DLG2: variants seen among roughly 807,000 people sequenced by gnomAD.
DLG2 encodes discs large MAGUK scaffold protein 2.
In DLG2, 45 loss-of-function variants were observed where a neutral mutation model predicts 132.5. That is an observed-to-expected ratio of 0.34 (90% CI 0.27 to 0.44). DLG2 has a LOEUF of 0.44. DLG2 is among the 20% of genes least tolerant of loss of function. The pLI is 1.00. For missense variants in DLG2, 1,045 were observed against 1,196.9 expected, an observed-to-expected ratio of 0.87 and a Z score of 1.87; for synonymous variants, 424 against 419.6, an observed-to-expected ratio of 1.01 and a Z score of -0.13.
intron 7 of DLG2, among the ~76,000 whole-genome samples, chr11:84,363,894 G>A (rs1476475013): frequency 2.0e-5 from 3 of 152,108 alleles, no homozygotes; most frequent in African/African-American, 7.2e-5. Context: ...CCAGTACCAT[G>A]CTGTTTTGGT....
intron 4 of DLG2, among the ~76,000 whole-genome samples, chr11:85,251,634 A>G (rs1024111136): frequency 3.3e-5 from 5 of 152,180 alleles, no homozygotes; most frequent in African/African-American, 1.2e-4. Context: ...ATTTTGATCC[A>G]CTATGCCAGA....
intron 17 of DLG2, among the ~76,000 whole-genome samples, chr11:83,821,953 T>C (rs2050936621): frequency 6.6e-6 from 1 of 152,096 alleles, no homozygotes; most frequent in Non-Finnish European, 1.5e-5. Context: ...CTCCTTGTCA[T>C]TAAAAGAGGG....
At chr11:83,882,120 A>G (rs2066441542) in intron 15 of DLG2, among the ~76,000 whole-genome samples, 1 of 152,202 alleles carries the variant, frequency 6.6e-6, no homozygotes, top group South Asian at 2.1e-4. Flanking sequence ...CAGAAAAAAA[A>G]TGGGTCCCAG....
chr11:83,864,213 C>T (rs2061911163), intron 16 of DLG2, among the ~76,000 whole-genome samples: 1 of 152,192 alleles, frequency 6.6e-6, no homozygotes, highest in African/African-American at 2.4e-5. Context: ...CCGAACAGTG[C>T]TAGTAGCTTC....
At chr11:84,366,283 A>G (rs1436056018) in intron 7 of DLG2, among the ~76,000 whole-genome samples, 1 of 152,114 alleles carries the variant, frequency 6.6e-6, no homozygotes, top group Non-Finnish European at 1.5e-5. Context: ...TGTCACCACC[A>G]GGCCTGCCCT....
intron 22 of DLG2, among the ~76,000 whole-genome samples, chr11:83,477,327 A>T (rs2092697035): frequency 6.6e-6 from 1 of 152,174 alleles, no homozygotes; most frequent in East Asian, 1.9e-4. Context: ...GCCTATAATT[A>T]AGATAGTTTT....
intron 7 of DLG2, among the ~76,000 whole-genome samples, chr11:84,381,934 T>C (rs1407364147): frequency 3.3e-5 from 5 of 152,174 alleles, no homozygotes; most frequent in African/African-American, 1.2e-4. Flanking sequence ...TTCCTTCAGC[T>C]TCTGGAGCAT....
intron 3 of DLG2, among the ~76,000 whole-genome samples, chr11:85,400,854 G>C (rs908395554): frequency 2.6e-5 from 4 of 151,014 alleles, no homozygotes; most frequent in Non-Finnish European, 5.9e-5. Flanking sequence ...AATGAGTGCA[G>C]CACACCAGCA....
At chr11:83,550,552 C>T (rs1452786790) in intron 19 of DLG2, among the ~76,000 whole-genome samples, 2 of 152,136 alleles carry the variant, frequency 1.3e-5, no homozygotes, top group Non-Finnish European at 2.9e-5. Flanking sequence ...TCTGAACCTG[C>T]GCAGAGCCAG....
chr11:84,981,467 G>C (rs1398304421), intron 6 of DLG2, among the ~76,000 whole-genome samples: 1 of 152,080 alleles, frequency 6.6e-6, no homozygotes, highest in Non-Finnish European at 1.5e-5. Flanking sequence ...GACAGCTGCT[G>C]CACCAAACCC....
intron 6 of DLG2, among the ~76,000 whole-genome samples, chr11:84,900,445 A>G (rs2090745628): frequency 6.6e-6 from 1 of 152,032 alleles, no homozygotes; most frequent in Non-Finnish European, 1.5e-5. Flanking sequence ...AGATACTTTT[A>G]CTCTTTTGGG....
intron 6 of DLG2, among the ~76,000 whole-genome samples, chr11:84,852,890 A>C (rs2082327403): frequency 6.6e-6 from 1 of 152,062 alleles, no homozygotes; most frequent in Admixed American, 6.6e-5. Flanking sequence ...AAAAGTTGCC[A>C]TAGTAACTAG....
At chr11:85,250,553 T>C (rs983860588) in intron 4 of DLG2, among the ~76,000 whole-genome samples, 2 of 152,302 alleles carry the variant, frequency 1.3e-5, no homozygotes, top group Non-Finnish European at 2.9e-5. Context: ...CATGTTTTTC[T>C]TGCAAGAAGA....
At chr11:83,520,013 C>T (rs1489704790) in intron 21 of DLG2, among the ~76,000 whole-genome samples, 1 of 152,184 alleles carries the variant, frequency 6.6e-6, no homozygotes, top group African/African-American at 2.4e-5. Context: ...ATTCTTTGGG[C>T]AGGTGAGCAC....
intron 12 of DLG2, among the ~76,000 whole-genome samples, chr11:83,977,497 C>T (rs2092378770): frequency 6.6e-6 from 1 of 152,002 alleles, no homozygotes; most frequent in Admixed American, 6.6e-5. Flanking sequence ...TTTGCACATA[C>T]ACCAAGGAAG....
intron 6 of DLG2, among the ~76,000 whole-genome samples, chr11:85,053,042 C>T (rs552854223): frequency 8.0e-4 from 121 of 152,170 alleles, no homozygotes; most frequent in Non-Finnish European, 1.5e-3. Context: ...TCTAGTTTGG[C>T]TTTTATTCTA....
At chr11:85,133,880 C>A (rs1038947267) in intron 5 of DLG2, among the ~76,000 whole-genome samples, 1 of 152,110 alleles carries the variant, frequency 6.6e-6, no homozygotes. Context: ...ACTACATAGA[C>A]GGCCTTTGAG....
chr11:84,337,976 A>G (rs886552582), intron 7 of DLG2, among the ~76,000 whole-genome samples: 1 of 152,272 alleles, frequency 6.6e-6, no homozygotes, highest in Non-Finnish European at 1.5e-5. Context: ...AGATCAAACA[A>G]AAAGAGAAGT....
At chr11:85,609,194 A>T (rs1416793579) in intron 2 of DLG2, among the ~76,000 whole-genome samples, 1 of 152,176 alleles carries the variant, frequency 6.6e-6, no homozygotes, top group Non-Finnish European at 1.5e-5. Flanking sequence ...TGGCTACGGG[A>T]GGCCTTAAGA....
Sources: allele counts gnomAD v4.1 joint callset (sites outside exome capture counted in the v4.1 genomes callset), GRCh38; gene constraint gnomAD v4.1.1; transcripts MANE v1.5; gene names NCBI Gene and HGNC (gene_info 2026-07-23, HGNC 2026-07-21).